The following NRF1 variants were observed in gnomAD, a reference collection of about 807,000 sequenced individuals.
The protein encoded by NRF1 is nuclear respiratory factor 1, also known as alpha palindromic-binding protein.
In NRF1, 5 loss-of-function variants were observed where a neutral mutation model predicts 58.5. The ratio of observed to expected loss-of-function variants is 0.09; its 90% CI spans 0.04 to 0.18. The LOEUF is 0.18. NRF1 is among the 10% of genes least tolerant of loss of function. The pLI is 1.00. For synonymous variants in NRF1, 224 were observed against 246.7 expected (o/e 0.91, Z 0.86); for missense variants, 288 against 657.7 (o/e 0.44, Z 6.15).
chr7:129,659,015 T>TG (rs1801723178), intron 2 of NRF1, among the ~76,000 whole-genome samples: 1 of 151,054 alleles, frequency 6.6e-6, no homozygotes, highest in African/African-American at 2.4e-5. Flanking sequence ...CACATCAAGA[T>TG]GCTAGAAACA....
intron 1 of NRF1, among the ~76,000 whole-genome samples, chr7:129,656,260 G>A (rs2151075165): frequency 6.6e-6 from 1 of 152,148 alleles, no homozygotes; most frequent in African/African-American, 2.4e-5. Context: ...TATGACACAT[G>A]CATATAATAA....
chr7:129,642,325 G>A (rs903553523), intron 1 of NRF1, among the ~76,000 whole-genome samples: 2 of 152,074 alleles, frequency 1.3e-5, no homozygotes, highest in Non-Finnish European at 2.9e-5. Context: ...CATTATTCAA[G>A]AGATATTTAT....
At chr7:129,731,523 A>G (rs534523821) in intron 10 of NRF1, among the ~76,000 whole-genome samples, 3 of 152,316 alleles carry the variant, frequency 2.0e-5, no homozygotes, top group East Asian at 3.9e-4. Context: ...TCGGTTCAAT[A>G]TAAAGATTTT....
At chr7:129,672,663 A>T (rs1802076263) in intron 3 of NRF1, among the ~76,000 whole-genome samples, 1 of 152,176 alleles carries the variant, frequency 6.6e-6, no homozygotes, top group East Asian at 1.9e-4. Flanking sequence ...TTTGAGAGAA[A>T]GGAGTGCTGG....
At chr7:129,721,756 C>T (rs1247603255) in intron 9 of NRF1, among the ~76,000 whole-genome samples, 7 of 152,136 alleles carry the variant, frequency 4.6e-5, no homozygotes, top group Admixed American at 3.9e-4. Flanking sequence ...GCTGGGATTA[C>T]AGGCATGAGC....
In NRF1 at chr7:129,755,206, T is replaced by A; in HGVS notation, c.*25T>A. ...ACATACAGCCATATTATGGCATCGTTTTCTAGTCTACTTCAAAATTTTTTA... is the reference window on the plus strand; with the variant it reads ...ACATACAGCCATATTATGGCATCGTATTCTAGTCTACTTCAAAATTTTTTA... On this transcript the variant is annotated 3_prime_UTR_variant, in exon 11 of 11. Coordinates refer to ENST00000393232, the MANE Select transcript of NRF1 (RefSeq NM_005011.5). This position sits in a 1 kb window ranked among gnomAD's most constrained non-coding sequence, Gnocchi z 5.8. 6.5e-7 allele frequency: 1 copy of A among 1,533,532 alleles called. No homozygotes were observed. The highest frequency in any genetic ancestry group is 8.8e-7 in the Non-Finnish European group (1 of 1,138,048). 95.0% of individuals were successfully genotyped at this position (1,533,532 alleles called of 1,614,324 possible). A position where few individuals can be genotyped will look rare whatever the true frequency, so the allele number is the denominator to read the frequency against.
chr7:129,700,002 A>G (rs1466103889), intron 5 of NRF1, among the ~76,000 whole-genome samples: 2 of 151,152 alleles, frequency 1.3e-5, no homozygotes, highest in African/African-American at 2.4e-5. Flanking sequence ...TTAGCCGGGC[A>G]TGGTGGCAGG....
intron 1 of NRF1, among the ~76,000 whole-genome samples, chr7:129,639,115 A>G (rs372136718): frequency 6.6e-6 from 1 of 152,184 alleles, no homozygotes; most frequent in Non-Finnish European, 1.5e-5. Flanking sequence ...GCTGCAGTGC[A>G]GTGACACAGT....
intron 1 of NRF1, among the ~76,000 whole-genome samples, chr7:129,623,437 A>G (rs1800848409): frequency 6.6e-6 from 1 of 151,986 alleles, no homozygotes. Flanking sequence ...TAGATAAAAT[A>G]TAAATATTCA....
chr7:129,727,623 G>T (rs1562985267), intron 10 of NRF1, among the ~76,000 whole-genome samples: 1 of 152,184 alleles, frequency 6.6e-6, no homozygotes, highest in Non-Finnish European at 1.5e-5. Context: ...ATCGTCTTGT[G>T]ACAAGACTTG....
intron 8 of NRF1, among the ~76,000 whole-genome samples, chr7:129,715,397 T>C (rs932102127): frequency 1.3e-5 from 2 of 152,204 alleles, no homozygotes; most frequent in African/African-American, 4.8e-5. Context: ...TCATGTATCC[T>C]GTCACCAGAG....
chr7:129,649,992 A>T (rs1017592186), intron 1 of NRF1, among the ~76,000 whole-genome samples: 2 of 151,998 alleles, frequency 1.3e-5, no homozygotes, highest in Non-Finnish European at 2.9e-5. Context: ...GACATAAGCA[A>T]TCCTCCCACC....
At chr7:129,707,846 G>A (rs997324258) in intron 5 of NRF1, among the ~76,000 whole-genome samples, 2 of 151,858 alleles carry the variant, frequency 1.3e-5, no homozygotes, top group African/African-American at 4.8e-5. Flanking sequence ...TTACTGATTG[G>A]GTTCATGGTT....
At chr7:129,693,603 A>G (rs189171092) in intron 5 of NRF1, among the ~76,000 whole-genome samples, 38 of 152,284 alleles carry the variant, frequency 2.5e-4, no homozygotes, top group African/African-American at 7.7e-4. Flanking sequence ...GTGTGGCCCA[A>G]GATAATTCTT....
chr7:129,619,648 C>T (rs182509666), intron 1 of NRF1, among the ~76,000 whole-genome samples: 1 of 149,682 alleles, frequency 6.7e-6, no homozygotes, highest in East Asian at 2.0e-4. Context: ...TCTTCCATGT[C>T]TCTCTGCAAT....
At chr7:129,713,600 C>CAAAA (rs1803125235) in intron 8 of NRF1, among the ~76,000 whole-genome samples, 1 of 152,192 alleles carries the variant, frequency 6.6e-6, no homozygotes. Flanking sequence ...AGCCCTGTGC[C>CAAAA]AGGCACTGTA....
In NRF1 at chr7:129,667,604, A is replaced by G. The variant is rs1801950496; in HGVS notation, c.224-3825A>G. ...GAAGGTTTTTATTTATATTATTGTG[A>G]AATTTATTAATCTTTTACCTTATAG... On this transcript the variant is annotated intron_variant, in intron 2 of 10. Transcript: ENST00000393232. Among the ~76,000 whole-genome samples, 7 of 151,740 alleles carry G rather than the reference A, an allele frequency of 4.6e-5. No individual in the cohort carries two copies. The South Asian group carries it at 1.5e-3, about 32-fold the overall frequency.
chr7:129,641,121 A>G (rs937902711), intron 1 of NRF1, among the ~76,000 whole-genome samples: 2 of 152,172 alleles, frequency 1.3e-5, no homozygotes, highest in African/African-American at 2.4e-5. Context: ...TTCTGTTTTT[A>G]GCTTCACTTG....
At chr7:129,747,994 G>T (rs142655966) in intron 10 of NRF1, among the ~76,000 whole-genome samples, 1 of 152,036 alleles carries the variant, frequency 6.6e-6, no homozygotes, top group African/African-American at 2.4e-5. Flanking sequence ...GACAGTCCTC[G>T]GCCGGGCGCG....
Sources: allele counts gnomAD v4.1 joint callset (sites outside exome capture counted in the v4.1 genomes callset), GRCh38; gene constraint gnomAD v4.1.1; non-coding constraint Gnocchi (gnomAD v3.1); transcripts MANE v1.5; gene names NCBI Gene and HGNC (gene_info 2026-07-23, HGNC 2026-07-21).